TEAD3: variants seen among roughly 807,000 people sequenced by gnomAD.
The protein encoded by TEAD3 is TEA domain transcription factor 3.
Under a neutral mutation model 55.6 loss-of-function variants are expected in TEAD3, and 15 were observed. That is an observed-to-expected ratio of 0.27 (90% CI 0.18 to 0.42). TEAD3 has a LOEUF of 0.42. Ranked by LOEUF, TEAD3 falls within the 10% of genes least tolerant of loss-of-function variation. The pLI is 1.00. For missense variants in TEAD3, 407 were observed against 576.8 expected (o/e 0.71, Z 3.01); for synonymous variants, 210 against 232.2 (o/e 0.90, Z 0.87).
chr6:35,492,608 A>ACCCCC (rs1768550246), intron 1 of TEAD3, among the ~76,000 whole-genome samples: 1 of 93,440 alleles, frequency 1.1e-5, no homozygotes, highest in Admixed American at 1.2e-4. Flanking sequence ...CTCTCTCCCC[A>ACCCCC]CCCCCCGCCC....
rs749509853 is a variant in TEAD3 at position 35,475,149 on chromosome 6, C to T, written c.1203G>A (p.Thr401=). 8 of 1,580,476 alleles carry T rather than the reference C, an allele frequency of 5.1e-6. No individual in the cohort carries two copies. Among genetic ancestry groups the T allele is most frequent in the Admixed American group, 3.7e-5 (2 of 54,232 alleles). Residue 401 remains threonine (T), a synonymous_variant, in exon 13 of 13, where the codon ACG becomes ACA. Transcript: ENST00000639578. The surrounding 1 kb of genome is among the most constrained non-coding windows in gnomAD (Gnocchi z 5.4). The stretch of plus-strand genomic sequence containing the variant: ...GCAGGGTCTCCTGGGAGTCCCGGCT[C>T]GTGACCACCTGGGGGGTGAGCAGGT...
Position 35,496,445 on chromosome 6 carries a change from T to G in TEAD3, c.-50+453A>C, listed in dbSNP as rs1392320044. Among the ~76,000 whole-genome samples, 4 of 151,776 alleles carry G rather than the reference T, an allele frequency of 2.6e-5. No individual in the cohort carries two copies. On this transcript the variant is annotated intron_variant, in intron 1 of 12. Coordinates refer to ENST00000639578, the Ensembl canonical transcript of TEAD3. The surrounding 1 kb of genome is among the most constrained non-coding windows in gnomAD (Gnocchi z 4.8). ...GCGCTGGGAGGCCGGGCCCGAGGCCTGCGTGGAGCTGAGGCCGGGCGGGCT... is the reference window on the plus strand; with the variant it reads ...GCGCTGGGAGGCCGGGCCCGAGGCCGGCGTGGAGCTGAGGCCGGGCGGGCT...
exon 13 of TEAD3, chr6:35,474,949 A>C: frequency 9.5e-7 from 1 of 1,052,330 alleles, no homozygotes; most frequent in Non-Finnish European, 1.4e-6. Flanking sequence ...CCTGGCAGGT[A>C]GATGAATCCT....
chr6:35,487,857 G>C (rs899745141), intron 1 of TEAD3, among the ~76,000 whole-genome samples: 8 of 152,202 alleles, frequency 5.3e-5, no homozygotes, highest in African/African-American at 1.7e-4. Context: ...GCTGCCAAAG[G>C]CATGCTGAGG....
chr6:35,476,009 C>G, exon 10 of TEAD3: 3 of 1,565,504 alleles, frequency 1.9e-6, no homozygotes, highest in Non-Finnish European at 2.6e-6. Context: ...TGTCATAGAT[C>G]TGGCGCACAT....
rs1768128057 is a variant in TEAD3, at chr6:35,475,629, G to A, written c.978C>T (p.Ser326=). Residue 326 remains serine (S), a synonymous_variant, in exon 11 of 13, where the codon AGC becomes AGT. Transcript: ENST00000639578. This position sits in a 1 kb window ranked among gnomAD's most constrained non-coding sequence, Gnocchi z 5.4. ...CCTTGGTGGAGACGCTGATGGTCAT[G>A]CTATCAGCAGAGCTGTACTGAGAGC... 5 of 1,613,568 alleles carry A rather than the reference G, an allele frequency of 3.1e-6. No homozygotes were observed. The highest frequency in any genetic ancestry group is 4.2e-6 in the Non-Finnish European group (5 of 1,179,670).
At position 35,484,710 on chromosome 6, in the gene TEAD3, C is replaced by T. The variant is rs1296832660; in HGVS notation, c.203-86G>A. 2.6e-6 allele frequency: 3 copies of T among 1,170,362 alleles called. No individual in the cohort carries two copies. The African/African-American group carries it at 4.6e-5, about 18-fold the overall frequency. The allele number at this position is 1,170,362 out of a possible 1,614,324, so 72.5% of individuals were successfully genotyped here. ...CCCCCACCCCACCGGGAAGCCACTCCAGGACCCTCCCCAAAACACTGCTCT... is the reference window on the plus strand; with the variant it reads ...CCCCCACCCCACCGGGAAGCCACTCTAGGACCCTCCCCAAAACACTGCTCT... On this transcript the variant is annotated intron_variant, in intron 2 of 12. Coordinates refer to ENST00000639578, the Ensembl canonical transcript of TEAD3. This position sits in a 1 kb window ranked among gnomAD's most constrained non-coding sequence, Gnocchi z 5.8.
chr6:35,480,169 A>G (rs1330465070), intron 3 of TEAD3, 143 bp downstream of exon 4: 1 of 1,550,924 alleles, frequency 6.4e-7, no homozygotes, highest in Non-Finnish European at 8.7e-7. Context: ...GAGCGGAAGG[A>G]GAGGCAGAAA....
chr6:35,490,797 G>C (rs1768499393), intron 1 of TEAD3, among the ~76,000 whole-genome samples: 1 of 152,216 alleles, frequency 6.6e-6, no homozygotes, highest in African/African-American at 2.4e-5. Flanking sequence ...GACAGGTGCG[G>C]GCTGGGCTGG....
intron 4 of TEAD3, among the ~76,000 whole-genome samples, chr6:35,479,771 C>A (rs1442063346): frequency 6.6e-6 from 1 of 152,232 alleles, no homozygotes; most frequent in Non-Finnish European, 1.5e-5. Flanking sequence ...AGCCCCGGGG[C>A]CTCCTCCCTG....
intron 8 of TEAD3, among the ~76,000 whole-genome samples, chr6:35,476,759 A>G (rs1228681509): frequency 2.0e-5 from 3 of 152,238 alleles, no homozygotes; most frequent in Non-Finnish European, 4.4e-5. Context: ...GGAGTTTTCT[A>G]TCCATAGAGA....
At chr6:35,495,983 C>T (rs960942729) in intron 1 of TEAD3, among the ~76,000 whole-genome samples, 14 of 152,338 alleles carry the variant, frequency 9.2e-5, no homozygotes, top group African/African-American at 3.4e-4. Context: ...AGCCCTGGAT[C>T]AGGGCCCCTC....
Position 35,488,974 on chromosome 6 carries a change from G to T in TEAD3, c.-49-2263C>A, listed in dbSNP as rs1433946656. On this transcript the variant is annotated intron_variant, in intron 1 of 12. Transcript: ENST00000639578. The surrounding 1 kb of genome is among the most constrained non-coding windows in gnomAD (Gnocchi z 4.2). ...GGGTTTCACCATGTTGGCCAGGCTG[G>T]TCTCAAACTTCTGACCTCATGGTCC... 6.6e-6 allele frequency among the ~76,000 whole-genome samples: 1 copy of T among 152,198 alleles called. No homozygotes were observed. Among genetic ancestry groups the T allele is most frequent in the Non-Finnish European group, 1.5e-5 (1 of 68,034 alleles).
At chr6:35,476,556 C>T (rs982085367) in intron 8 of TEAD3, 121 bp from the exon 9 acceptor site, 3 of 1,249,986 alleles carry the variant, frequency 2.4e-6, no homozygotes, top group Admixed American at 2.1e-5. Context: ...TTTGACTCCC[C>T]TACTATGTGT....
chr6:35,492,650 G>A (rs930615803), intron 1 of TEAD3, among the ~76,000 whole-genome samples: 15 of 144,238 alleles, frequency 1.0e-4, no homozygotes, highest in Middle Eastern at 4.2e-3. Context: ...TTTGGGACTG[G>A]AGATTCTCTG....
rs2076170 is a variant in TEAD3, at chr6:35,475,796, T to A, written c.901-90A>T. 1.1e-5 allele frequency: 17 copies of A among 1,508,850 alleles called. No homozygotes were observed. The highest frequency in any genetic ancestry group is 1.4e-5 in the Non-Finnish European group (16 of 1,129,852). The allele number at this position is 1,508,850 out of a possible 1,614,324, so 93.5% of individuals were successfully genotyped here. ...TCAGAGTCCTGCCCAAGGATCCATC[T>A]CTGGCACTCTGCCCACAAGCCATGA... is the stretch of plus-strand genomic sequence containing the variant. On this transcript the variant is annotated intron_variant, in intron 10 of 12. Coordinates refer to ENST00000639578, the Ensembl canonical transcript of TEAD3. This position sits in a 1 kb window ranked among gnomAD's most constrained non-coding sequence, Gnocchi z 5.4.
chr6:35,487,480 A>T (rs572936217), intron 1 of TEAD3, among the ~76,000 whole-genome samples: 1 of 145,606 alleles, frequency 6.9e-6, no homozygotes, highest in South Asian at 2.2e-4. Flanking sequence ...TCAACCCAGG[A>T]GGCAGAGGTT....
exon 4 of TEAD3, chr6:35,480,084 A>G (rs1221977517): frequency 6.5e-7 from 1 of 1,535,312 alleles, no homozygotes; most frequent in Admixed American, 2.0e-5. Context: ...GAATCTCCCG[A>G]GATTTCCGCC....
downstream of TEAD3, chr6:35,474,082 A>G (rs1029365692): frequency 6.6e-6 from 1 of 152,192 alleles, no homozygotes; most frequent in East Asian, 1.9e-4. Flanking sequence ...GCCTCAGGCA[A>G]GAGAAAAATC....
Sources: gnomAD v4.1 joint callset for allele counts (sites outside exome capture counted in the v4.1 genomes callset) on GRCh38, gnomAD v4.1.1 for gene constraint, Gnocchi (gnomAD v3.1) non-coding constraint, MANE v1.5 for transcripts, NCBI Gene and HGNC (gene_info 2026-07-23, HGNC 2026-07-21) for gene names.